Variants in ASTN2 observed in about 807,000 individuals in gnomAD.
ASTN2 encodes astrotactin-2.
ASTN2 carries 54 observed loss-of-function variants against 139.8 expected under a neutral mutation model. That is an observed-to-expected ratio of 0.39 (90% CI 0.31 to 0.48). ASTN2 has a LOEUF of 0.48. Among genes scored for constraint, ASTN2 ranks in the 20% least tolerant of loss-of-function variants. The pLI is 0.95. For missense variants in ASTN2, 1,565 were observed against 1,725.1 expected, an observed-to-expected ratio of 0.91 and a Z score of 1.64; for synonymous variants, 756 against 719.5, an observed-to-expected ratio of 1.05 and a Z score of -0.81.
At chr9:116,560,079 C>G (rs1588001806) in intron 19 of ASTN2, among the ~76,000 whole-genome samples, 2 of 152,286 alleles carry the variant, frequency 1.3e-5, no homozygotes. Context: ...TTGTACTATA[C>G]TGCCACAGGC....
intron 19 of ASTN2, among the ~76,000 whole-genome samples, chr9:116,559,912 C>T (rs1042300482): frequency 1.3e-5 from 2 of 152,156 alleles, no homozygotes; most frequent in African/African-American, 4.8e-5. Context: ...TTAGTTTACT[C>T]TTCACAACAC....
chr9:116,769,939 G>C (rs552306265), intron 13 of ASTN2, among the ~76,000 whole-genome samples: 1 of 152,038 alleles, frequency 6.6e-6, no homozygotes, highest in Admixed American at 6.6e-5. Context: ...TCAGCTACTT[G>C]GGAGGCTGAA....
chr9:117,140,934 C>T (rs181214131), intron 4 of ASTN2, among the ~76,000 whole-genome samples: 77 of 152,240 alleles, frequency 5.1e-4, no homozygotes, highest in East Asian at 4.1e-3. Flanking sequence ...AAAAAGTAGG[C>T]GCAGACCCCT....
chr9:116,914,422 G>A (rs941021525), intron 10 of ASTN2, among the ~76,000 whole-genome samples: 2 of 152,038 alleles, frequency 1.3e-5, no homozygotes, highest in Non-Finnish European at 2.9e-5. Flanking sequence ...GGTCATGTAA[G>A]TCAATTCTAA....
At chr9:116,742,864 A>G (rs1387915971) in intron 13 of ASTN2, among the ~76,000 whole-genome samples, 1 of 152,184 alleles carries the variant, frequency 6.6e-6, no homozygotes, top group Non-Finnish European at 1.5e-5. Context: ...GGCTGAGATT[A>G]GAACATTAGA....
In ASTN2 at chr9:117,180,850, C is replaced by T. The variant is rs957022369; in HGVS notation, c.1015+33508G>A. 3.9e-5 allele frequency: 60 copies of T among 1,556,856 alleles called. 1 individual carries two copies. In the Middle Eastern group the frequency reaches 1.2e-3, roughly 30 times the overall value. ...GGTGAAGCCCCACTTCTTTGAGATGCGGATCTTCTGGTGGCCAGGAAACTT... is the reference window on the plus strand; with the variant it reads ...GGTGAAGCCCCACTTCTTTGAGATGTGGATCTTCTGGTGGCCAGGAAACTT... On this transcript the variant is annotated intron_variant, in intron 3 of 22. Transcript: ENST00000313400.
chr9:116,655,532 A>G (rs1236391474), intron 16 of ASTN2, among the ~76,000 whole-genome samples: 1 of 152,050 alleles, frequency 6.6e-6, no homozygotes, highest in African/African-American at 2.4e-5. Flanking sequence ...GCCTCTCTCA[A>G]TCGTGGCACA....
chr9:117,091,830 A>G (rs1828714188), intron 5 of ASTN2, among the ~76,000 whole-genome samples: 1 of 152,152 alleles, frequency 6.6e-6, no homozygotes, highest in South Asian at 2.1e-4. Context: ...GAGAAACAAC[A>G]TGATCCCTAC....
chr9:116,694,459 C>CTTT (rs56666915), intron 16 of ASTN2, among the ~76,000 whole-genome samples: 1,507 of 88,014 alleles, frequency 0.017, 162 homozygotes, highest in African/African-American at 0.067. Context: ...TGTAATTTCT[C>CTTT]TTTTTTTTTT....
chr9:116,976,793 T>A lies in ASTN2; in HGVS notation c.1592-8A>T, dbSNP rs1350951654. On this transcript the variant is annotated splice_region_variant and splice_polypyrimidine_tract_variant and intron_variant, in intron 7 of 22. Coordinates refer to ENST00000313400, the MANE Select transcript of ASTN2 (RefSeq NM_001365068.1). Reference sequence around the variant, plus strand: ...CATGACAGCTGCACTCTCCTGTAAGTGAAAAGAAAAAAGATTATTGTTAAG... The same window carrying A: ...CATGACAGCTGCACTCTCCTGTAAGAGAAAAGAAAAAAGATTATTGTTAAG... The A allele has an allele frequency of 6.2e-7, 1 of 1,612,964 alleles. No individual in the cohort carries two copies. Among genetic ancestry groups the A allele is most frequent in the Admixed American group, 1.7e-5 (1 of 59,860 alleles).
At chr9:117,120,018 G>GTGTATATATATA (rs1306397698) in intron 4 of ASTN2, among the ~76,000 whole-genome samples, 105 of 45,980 alleles carry the variant, frequency 2.3e-3, no homozygotes, top group East Asian at 4.6e-3. Flanking sequence ...GTGTGTGTGT[G>GTGTATATATATA]TATATATATA....
chr9:116,995,945 C>T (rs1211555302), intron 7 of ASTN2, among the ~76,000 whole-genome samples: 2 of 152,112 alleles, frequency 1.3e-5, no homozygotes, highest in Non-Finnish European at 2.9e-5. Context: ...GGCTCAAGCA[C>T]TCTGCTCACC....
At chr9:116,963,629 A>T (rs562068566) in intron 10 of ASTN2, among the ~76,000 whole-genome samples, 4 of 152,288 alleles carry the variant, frequency 2.6e-5, no homozygotes, top group Non-Finnish European at 5.9e-5. Context: ...ATAGAGAGGC[A>T]TGACCATTTT....
intron 11 of ASTN2, among the ~76,000 whole-genome samples, chr9:116,855,911 T>C (rs1832726887): frequency 6.6e-6 from 1 of 152,238 alleles, no homozygotes; most frequent in African/African-American, 2.4e-5. Flanking sequence ...CTAGGCCTGA[T>C]ATTATTTATA....
chr9:117,137,509 C>T (rs181622469), intron 4 of ASTN2, among the ~76,000 whole-genome samples: 3 of 152,222 alleles, frequency 2.0e-5, no homozygotes, highest in East Asian at 1.9e-4. Flanking sequence ...AAATTCTGTT[C>T]CTATAGATGC....
chr9:117,065,470 C>G (rs1412573179), intron 5 of ASTN2, among the ~76,000 whole-genome samples: 2 of 152,154 alleles, frequency 1.3e-5, no homozygotes, highest in African/African-American at 4.8e-5. Flanking sequence ...GCACAAACCT[C>G]TTTGATGTTC....
At chr9:117,163,979 C>T (rs1004411868) in intron 3 of ASTN2, among the ~76,000 whole-genome samples, 2 of 152,038 alleles carry the variant, frequency 1.3e-5, no homozygotes, top group Non-Finnish European at 2.9e-5. Context: ...CACTATATGT[C>T]TGATAAATGA....
intron 19 of ASTN2, among the ~76,000 whole-genome samples, chr9:116,493,556 A>G (rs2119109960): frequency 6.6e-6 from 1 of 152,158 alleles, no homozygotes; most frequent in South Asian, 2.1e-4. Context: ...AATCAACCCA[A>G]CAAAGCATGG....
At chr9:116,508,111 G>C (rs1850190979) in intron 19 of ASTN2, among the ~76,000 whole-genome samples, 1 of 152,076 alleles carries the variant, frequency 6.6e-6, no homozygotes, top group East Asian at 1.9e-4. Flanking sequence ...GGGTGGTCTT[G>C]AACTCCCAAC....
Sources: allele counts gnomAD v4.1 joint callset (sites outside exome capture counted in the v4.1 genomes callset), GRCh38; gene constraint gnomAD v4.1.1; transcripts MANE v1.5; gene names NCBI Gene and HGNC (gene_info 2026-07-23, HGNC 2026-07-21).